MYO9B: variants seen among roughly 807,000 people sequenced by gnomAD.
MYO9B encodes the protein unconventional myosin-IXb.
A neutral mutation model predicts 229.5 loss-of-function variants in MYO9B; 71 were observed. The ratio of observed to expected loss-of-function variants is 0.31; its 90% CI spans 0.26 to 0.38. The LOEUF (loss-of-function observed/expected upper bound fraction) is 0.38. Ranked by LOEUF, MYO9B falls within the 10% of genes least tolerant of loss-of-function variation. The pLI is 1.00. For missense variants in MYO9B, 2,255 were observed against 2,920.5 expected (o/e 0.77, Z 5.25); for synonymous variants, 1,185 against 1,235.8 (o/e 0.96, Z 0.86).
At chr19:17,085,128 AG>A (rs2057570166) in intron 1 of MYO9B, among the ~76,000 whole-genome samples, 1 of 152,142 alleles carries the variant, frequency 6.6e-6, no homozygotes, top group African/African-American at 2.4e-5. Context: ...ATGAGCTTCA[AG>A]GGGAGCTGGG....
chr19:17,185,912 C>G lies in MYO9B; in HGVS notation c.2497-9C>G. ...ATTCAACCCAAATGCTTTCTCTTTC[C>G]CTTAACAGACATCCCTTAACAAGCT... On this transcript the variant is annotated splice_polypyrimidine_tract_variant and intron_variant, in intron 17 of 39. Coordinates refer to ENST00000682292, the MANE Select transcript of MYO9B (RefSeq NM_004145.4). 1 of 1,612,770 alleles carries G rather than the reference C, an allele frequency of 6.2e-7. No homozygotes were observed. Among genetic ancestry groups the G allele is most frequent in the Non-Finnish European group, 8.5e-7 (1 of 1,178,828 alleles).
At chr19:17,109,051 T>C (rs144823924) in intron 2 of MYO9B, among the ~76,000 whole-genome samples, 22 of 91,662 alleles carry the variant, frequency 2.4e-4, no homozygotes, top group South Asian at 6.2e-4. Context: ...TTTATTTATT[T>C]ATTTATTTAT....
intron 7 of MYO9B, chr19:17,157,360 G>C (rs1042799283): frequency 1.6e-5 from 4 of 243,530 alleles, no homozygotes; most frequent in African/African-American, 9.0e-5. Context: ...TTCGAGATCA[G>C]ATTGGCTAAC....
intron 3 of MYO9B, among the ~76,000 whole-genome samples, chr19:17,152,184 C>T (rs1281884397): frequency 3.1e-4 from 27 of 87,402 alleles, no homozygotes; most frequent in African/African-American, 1.1e-3. Context: ...AAGACTCCAT[C>T]ACAAAAAAAA....
At chr19:17,147,348 G>C (rs1030836719) in intron 3 of MYO9B, among the ~76,000 whole-genome samples, 1 of 152,016 alleles carries the variant, frequency 6.6e-6, no homozygotes, top group Non-Finnish European at 1.5e-5. Flanking sequence ...TTCAAGACCA[G>C]CCTGTCCAAC....
rs59440394 is a variant in MYO9B at position 17,090,118 on chromosome 19, C to CTTTTTTTT, written c.-58-11506_-58-11499dup. On this transcript the variant is annotated intron_variant, in intron 1 of 39. Transcript: ENST00000682292. ...TATAGCATGAATCGGTGCTTCCTTC[C>CTTTTTTTT]TTTTTTTTTTTTTTTTTTTTTTTTT... Among the ~76,000 whole-genome samples, 64 of 49,236 alleles carry CTTTTTTTT rather than the reference C, an allele frequency of 1.3e-3. 14 individuals are homozygous for CTTTTTTTT. The highest frequency in any genetic ancestry group is 1.7e-3 in the Non-Finnish European group (45 of 26,926). The allele number at this position is 49,236 out of a possible 152,430, so 32.3% of individuals were successfully genotyped here.
intron 2 of MYO9B, among the ~76,000 whole-genome samples, chr19:17,106,627 G>A (rs2057795439): frequency 6.6e-6 from 1 of 152,230 alleles, no homozygotes; most frequent in Non-Finnish European, 1.5e-5. Flanking sequence ...AGATAAAACA[G>A]TGATCTTGAA....
intron 24 of MYO9B, among the ~76,000 whole-genome samples, chr19:17,199,696 T>TG (rs1302811330): frequency 1.4e-5 from 1 of 71,462 alleles, no homozygotes; most frequent in Non-Finnish European, 2.3e-5. Flanking sequence ...TTTTCTTTTT[T>TG]TTTCTTTTTT....
Position 17,194,907 on chromosome 19 carries a change from G to A in MYO9B, c.3480G>A (p.Lys1160=), listed in dbSNP as rs376020252. The A allele has an allele frequency of 6.2e-7, 1 of 1,613,418 alleles. No individual in the cohort carries two copies. Among genetic ancestry groups the A allele is most frequent in the African/African-American group, 1.3e-5 (1 of 75,050 alleles). The change falls in exon 22 of 40, where the codon AAG becomes AAA. Residue 1160 remains lysine, a synonymous_variant. Coordinates refer to ENST00000682292, the MANE Select transcript of MYO9B (RefSeq NM_004145.4). ...SRRQRGLEHV[K]FQNKHIQSCK... The stretch of plus-strand genomic sequence containing the variant: ...GGCAAAGAGGGCTGGAGCACGTCAA[G>A]TTCCAGAACAAACACATCCAGTCCT...
At chr19:17,180,493 G>A (rs1177375317) in intron 14 of MYO9B, among the ~76,000 whole-genome samples, 1 of 151,530 alleles carries the variant, frequency 6.6e-6, no homozygotes, top group African/African-American at 2.4e-5. Context: ...GGGATTACAG[G>A]TGCCCTCCAC....
chr19:17,198,731 T>C (rs2073074379), intron 24 of MYO9B, among the ~76,000 whole-genome samples: 2 of 111,892 alleles, frequency 1.8e-5, no homozygotes, highest in South Asian at 3.0e-4. Context: ...GGAGACTCCG[T>C]CTCAAAAAAA....
At chr19:17,126,667 CTT>C (rs1555695751) in intron 2 of MYO9B, among the ~76,000 whole-genome samples, 9 of 135,182 alleles carry the variant, frequency 6.7e-5, no homozygotes, top group Non-Finnish European at 6.5e-5. Flanking sequence ...TTTTTTTTTT[CTT>C]TTTTTTTTTT....
chr19:17,078,955 C>T (rs1019084588), intron 1 of MYO9B, among the ~76,000 whole-genome samples: 8 of 152,240 alleles, frequency 5.3e-5, no homozygotes, highest in East Asian at 1.9e-4. Context: ...AAACCCAAAT[C>T]TCCAGGGCCG....
chr19:17,131,467 C>G (rs551426089), intron 2 of MYO9B, among the ~76,000 whole-genome samples: 1 of 152,248 alleles, frequency 6.6e-6, no homozygotes, highest in Non-Finnish European at 1.5e-5. Flanking sequence ...CAGGGTTTCA[C>G]CGTGTTGGCC....
chr19:17,156,854 C>T lies in MYO9B; in HGVS notation c.1200-55C>T. ...TTCAGCCCGGTTCCCTGGGAAGTAT[C>T]TGCTGTCTTAGGAACGTAGAAACTA... On this transcript the variant is annotated intron_variant, in intron 6 of 39. Coordinates refer to ENST00000682292, the MANE Select transcript of MYO9B (RefSeq NM_004145.4). 4 of 1,562,010 alleles carry T rather than the reference C, an allele frequency of 2.6e-6. No individual in the cohort carries two copies. In the East Asian group the frequency reaches 6.8e-5, roughly 27 times the overall value.
chr19:17,142,325 T>A (rs2072351962), intron 2 of MYO9B, among the ~76,000 whole-genome samples: 1 of 152,114 alleles, frequency 6.6e-6, no homozygotes. Context: ...GGGGAGGGAC[T>A]GCTGATGGGG....
intron 19 of MYO9B, among the ~76,000 whole-genome samples, chr19:17,190,115 A>G (rs2072965853): frequency 6.7e-6 from 1 of 150,326 alleles, no homozygotes; most frequent in Admixed American, 6.6e-5. Flanking sequence ...ATGGTGGCTC[A>G]CACCTGCAAT....
chr19:17,190,962 C>A, intron 19 of MYO9B, 135 bp from the exon 20 acceptor site: 1 of 966,378 alleles, frequency 1.0e-6, no homozygotes. Context: ...TTTCTGAAAG[C>A]CTGAAATTTT....
chr19:17,080,032 T>C (rs1478906084), intron 1 of MYO9B, among the ~76,000 whole-genome samples: 1 of 152,186 alleles, frequency 6.6e-6, no homozygotes, highest in Non-Finnish European at 1.5e-5. Flanking sequence ...CGAGTTTGGG[T>C]TCTACTCATT....
Sources: gnomAD v4.1 joint callset for allele counts (sites outside exome capture counted in the v4.1 genomes callset) on GRCh38, gnomAD v4.1.1 for gene constraint, MANE v1.5 for transcripts, NCBI Gene and HGNC (gene_info 2026-07-23, HGNC 2026-07-21) for gene names.